The following VPS37A variants were observed in gnomAD, a reference collection of about 807,000 sequenced individuals.
VPS37A encodes the protein vacuolar protein sorting-associated protein 37A.
In VPS37A, 30 loss-of-function variants were observed where a neutral mutation model predicts 49.8. That is an observed-to-expected ratio of 0.60 (90% confidence interval 0.45 to 0.82). The LOEUF is 0.82. Ranked by LOEUF, VPS37A falls within the 40% of genes least tolerant of loss-of-function variation. The pLI is 0.00. For missense variants in VPS37A, 593 were observed against 464.4 expected, an observed-to-expected ratio of 1.28 and a Z score of -2.55; for synonymous variants, 195 against 160.6, an observed-to-expected ratio of 1.21 and a Z score of -1.62.
chr8:17,320,439 G>A, the VPS37A span, among the ~76,000 whole-genome samples: 3 of 152,164 alleles, frequency 2.0e-5, no homozygotes, highest in Non-Finnish European at 2.9e-5. Context: ...AGGCAATTGG[G>A]AAGGGAGCTG....
intron 1 of VPS37A, among the ~76,000 whole-genome samples, chr8:17,262,785 G>A (rs778422661): frequency 2.6e-5 from 4 of 151,924 alleles, no homozygotes; most frequent in Non-Finnish European, 4.4e-5. Context: ...ATTGTAGGCC[G>A]GACACGGTGA....
intron 11 of VPS37A, among the ~76,000 whole-genome samples, chr8:17,288,847 G>C (rs1045278655): frequency 2.0e-5 from 3 of 152,206 alleles, no homozygotes; most frequent in Non-Finnish European, 2.9e-5. Flanking sequence ...CAGTGTAAAG[G>C]TGTTCCTATT....
the VPS37A span, among the ~76,000 whole-genome samples, chr8:17,330,044 C>T: frequency 6.6e-6 from 1 of 152,182 alleles, no homozygotes; most frequent in Admixed American, 6.5e-5. Flanking sequence ...GCAGGTAATG[C>T]AGCCCCAAAC....
chr8:17,315,637 A>G, the VPS37A span, among the ~76,000 whole-genome samples: 1 of 152,172 alleles, frequency 6.6e-6, no homozygotes, highest in South Asian at 2.1e-4. Context: ...TTAAAAAGAA[A>G]AAGTCTTTAA....
chr8:17,274,699 A>G lies in VPS37A; in HGVS notation c.417-34A>G, dbSNP rs768935887. 5 of 1,545,268 alleles carry G rather than the reference A, an allele frequency of 3.2e-6. No homozygotes were observed. The East Asian group carries it at 6.7e-5, about 21-fold the overall frequency. ...CAATTTGACATGTTTTATCCATAAA[A>G]TCTAATGTAATGATCTTCTCTTTTT... On this transcript the variant is annotated intron_variant, in intron 4 of 11. Transcript: ENST00000324849.
At chr8:17,276,522 C>T (rs946631381) in intron 6 of VPS37A, 55 bp downstream of exon 6, 25 of 1,490,242 alleles carry the variant, frequency 1.7e-5, no homozygotes, top group East Asian at 4.6e-5. Context: ...TAAGCATAAA[C>T]CAGATTATTA....
At chr8:17,291,136 C>T (rs958145256) in intron 11 of VPS37A, among the ~76,000 whole-genome samples, 1 of 152,126 alleles carries the variant, frequency 6.6e-6, no homozygotes, top group Non-Finnish European at 1.5e-5. Context: ...CCTCAGCCTC[C>T]CAAGTAGCTG....
rs903874073 is a variant in VPS37A at position 17,295,293 on chromosome 8, T to C, written c.*307T>C. The C allele has an allele frequency of 6.5e-6, 1 of 152,674 alleles. No homozygotes were observed. The highest frequency in any genetic ancestry group is 1.5e-5 in the Non-Finnish European group (1 of 68,050). The allele number at this position is 152,674 out of a possible 1,614,324, so 9.5% of individuals were successfully genotyped here. ...TATGCATGTACTTTTAGCTAGTTTT[T>C]AATATTTTATAAAACTTCATTTAAA... On this transcript the variant is annotated 3_prime_UTR_variant, in exon 12 of 12. Transcript: ENST00000324849.
chr8:17,303,369 T>A (rs1457366501), downstream of VPS37A, among the ~76,000 whole-genome samples: 1 of 152,108 alleles, frequency 6.6e-6, no homozygotes, highest in Non-Finnish European at 1.5e-5. Flanking sequence ...AAAAAAACCT[T>A]GAGAAACGAA....
At chr8:17,313,315 C>T in the VPS37A span, 2 of 1,612,450 alleles carry the variant, frequency 1.2e-6, no homozygotes, top group Admixed American at 3.3e-5. Flanking sequence ...ATTCCTGCAT[C>T]CATTATGGCT....
chr8:17,288,810 G>A (rs1420861129), intron 11 of VPS37A, among the ~76,000 whole-genome samples: 1 of 152,174 alleles, frequency 6.6e-6, no homozygotes, highest in African/African-American at 2.4e-5. Context: ...CTTCCATAAT[G>A]GTTGAACTAA....
intron 5 of VPS37A, among the ~76,000 whole-genome samples, chr8:17,275,533 G>T (rs1480795729): frequency 6.6e-6 from 1 of 152,192 alleles, no homozygotes; most frequent in Non-Finnish European, 1.5e-5. Flanking sequence ...GGCAAAGGCA[G>T]AAGAATGATC....
At chr8:17,275,323 T>C (rs1387852928) in intron 5 of VPS37A, among the ~76,000 whole-genome samples, 1 of 152,160 alleles carries the variant, frequency 6.6e-6, no homozygotes, top group East Asian at 1.9e-4. Flanking sequence ...TCTTTAAAAA[T>C]GAGGCAGCTA....
chr8:17,302,147 G>T (rs765467089), downstream of VPS37A: 10 of 1,613,896 alleles, frequency 6.2e-6, no homozygotes. Context: ...AAGCAAGTAT[G>T]TCTTACTTCT....
At chr8:17,303,758 C>T (rs1430896626), downstream of VPS37A, among the ~76,000 whole-genome samples, 1 of 152,068 alleles carries the variant, frequency 6.6e-6, no homozygotes, top group Non-Finnish European at 1.5e-5. Context: ...TACAGGCGCT[C>T]ACCACCATGC....
At chr8:17,317,862 T>C in the VPS37A span, among the ~76,000 whole-genome samples, 3 of 152,214 alleles carry the variant, frequency 2.0e-5, no homozygotes, top group African/African-American at 7.2e-5. Context: ...TTTTATATTT[T>C]TGTTTCCATG....
intron 1 of VPS37A, among the ~76,000 whole-genome samples, chr8:17,251,749 T>A (rs1812002159): frequency 6.6e-6 from 1 of 152,252 alleles, no homozygotes; most frequent in Admixed American, 6.5e-5. Flanking sequence ...TCCCTATCTT[T>A]AAAATAGTAG....
At position 17,247,372 on chromosome 8, in the gene VPS37A, G is replaced by T; in HGVS notation, c.125+3G>T. On this transcript the variant is annotated splice_donor_region_variant and intron_variant, in intron 1 of 11. Coordinates refer to ENST00000324849, the MANE Select transcript of VPS37A (RefSeq NM_152415.3). ...TCCCTCCGGAACTCACACTCCAGGT[G>T]ACTGGTCGCTGCCTCTCCACCGGAG... 1 of 1,528,688 alleles carries T rather than the reference G, an allele frequency of 6.5e-7. No homozygotes were observed. The highest frequency in any genetic ancestry group is 8.8e-7 in the Non-Finnish European group (1 of 1,136,854). 94.7% of individuals were successfully genotyped at this position (1,528,688 alleles called of 1,614,324 possible). A position where few individuals can be genotyped will look rare whatever the true frequency, so the allele number is the denominator to read the frequency against.
chr8:17,302,363 A>G, downstream of VPS37A: 1 of 1,440,066 alleles, frequency 6.9e-7, no homozygotes, highest in Non-Finnish European at 9.3e-7. Context: ...GGTATCTATG[A>G]TACCACAGTC....
Sources: gnomAD v4.1 joint callset for allele counts (sites outside exome capture counted in the v4.1 genomes callset) on GRCh38, gnomAD v4.1.1 for gene constraint, MANE v1.5 for transcripts, NCBI Gene and HGNC (gene_info 2026-07-23, HGNC 2026-07-21) for gene names.